Variants in FAM184B observed in about 807,000 individuals in gnomAD.
The protein encoded by FAM184B is family with sequence similarity 184 member B.
FAM184B carries 111 observed loss-of-function variants against 135.9 expected under a neutral mutation model. The observed-to-expected ratio is 0.82, with a 90% CI of 0.70 to 0.96. The LOEUF (loss-of-function observed/expected upper bound fraction) is 0.96. FAM184B is among the 40% of genes least tolerant of loss of function. The probability of loss-of-function intolerance (pLI) is 0.00; values close to 1 mark genes in which losing one functional copy is unlikely to be tolerated. For missense variants in FAM184B, 1,375 were observed against 1,323.9 expected, an observed-to-expected ratio of 1.04 and a Z score of -0.60; for synonymous variants, 552 against 524.8, an observed-to-expected ratio of 1.05 and a Z score of -0.71.
chr4:17,633,987 C>G, intron 16 of FAM184B, 99 bp from the exon 17 acceptor site: 2 of 960,298 alleles, frequency 2.1e-6, no homozygotes, highest in Non-Finnish European at 2.8e-6. Context: ...AAAATTGTAT[C>G]GGAGAAGAAG....
Position 17,630,243 on chromosome 4 carries a change from C to T in FAM184B, c.*2289G>A, listed in dbSNP as rs1026630498. The T allele has an allele frequency of 3.3e-5, 5 of 152,220 alleles. No homozygotes were observed. The highest frequency in any genetic ancestry group is 7.2e-5 in the African/African-American group (3 of 41,462). 9.4% of individuals were successfully genotyped at this position (152,220 alleles called of 1,614,324 possible). ...AAGCACAAAATAAAGAGCAGTCCTA[C>T]AGGGTTCACTGCTATGTCCTGAATG... is the stretch of plus-strand genomic sequence containing the variant. On this transcript the variant is annotated 3_prime_UTR_variant, in exon 18 of 18. Coordinates refer to ENST00000265018, the MANE Select transcript of FAM184B (RefSeq NM_015688.2).
intron 1 of FAM184B, among the ~76,000 whole-genome samples, chr4:17,753,701 G>A (rs1718358490): frequency 6.6e-6 from 1 of 152,224 alleles, no homozygotes; most frequent in African/African-American, 2.4e-5. Context: ...AGAAACCAAA[G>A]AACAAAGCAG....
rs1718118996 is a variant in FAM184B, at chr4:17,744,620, T to C, written c.142-34976A>G. On this transcript the variant is annotated intron_variant, in intron 1 of 17. Coordinates refer to ENST00000265018, the MANE Select transcript of FAM184B (RefSeq NM_015688.2). Reference sequence around the variant, plus strand: ...CTGTAATCCCAGCTATTCAGGAGGCTGAGGCAGGAGAATAGCTTGAATCCG... The same window carrying C: ...CTGTAATCCCAGCTATTCAGGAGGCCGAGGCAGGAGAATAGCTTGAATCCG... Among the ~76,000 whole-genome samples, 3 of 151,326 alleles carry C rather than the reference T, an allele frequency of 2.0e-5. No homozygotes were observed. The Admixed American group carries it at 2.0e-4, about 10-fold the overall frequency.
intron 5 of FAM184B, among the ~76,000 whole-genome samples, chr4:17,698,439 A>C (rs192738980): frequency 4.9e-4 from 75 of 152,332 alleles, no homozygotes; most frequent in African/African-American, 1.7e-3. Context: ...CAATCACCGA[A>C]AATTACCATG....
At chr4:17,686,078 A>G (rs1716579433) in intron 7 of FAM184B, among the ~76,000 whole-genome samples, 1 of 152,216 alleles carries the variant, frequency 6.6e-6, no homozygotes, top group South Asian at 2.1e-4. Flanking sequence ...TCTCCCTGCC[A>G]CAGTCACTTT....
At chr4:17,713,045 CTG>C (rs1231713683) in intron 1 of FAM184B, among the ~76,000 whole-genome samples, 1 of 152,212 alleles carries the variant, frequency 6.6e-6, no homozygotes, top group African/African-American at 2.4e-5. Context: ...TTCATTGTCT[CTG>C]TCTGATATAG....
In FAM184B at chr4:17,631,027, A is replaced by G. The variant is rs1442215259; in HGVS notation, c.*1505T>C. On this transcript the variant is annotated 3_prime_UTR_variant, in exon 18 of 18. Coordinates refer to ENST00000265018, the MANE Select transcript of FAM184B (RefSeq NM_015688.2). ...AATATTTTGCCCCCTAAAAGTTGTT[A>G]TTGAGTCTTGTCAAATCACATTGCT... The G allele has an allele frequency of 6.6e-6, 1 of 152,288 alleles. No homozygotes were observed. The highest frequency in any genetic ancestry group is 1.9e-4 in the East Asian group (1 of 5,192). 9.4% of individuals were successfully genotyped at this position (152,288 alleles called of 1,614,324 possible). A position where few individuals can be genotyped will look rare whatever the true frequency, so the allele number is the denominator to read the frequency against.
chr4:17,764,325 T>C (rs1212272349), intron 1 of FAM184B, among the ~76,000 whole-genome samples: 1 of 152,178 alleles, frequency 6.6e-6, no homozygotes, highest in Non-Finnish European at 1.5e-5. Flanking sequence ...AAGCAGTTTA[T>C]CGATCACCTC....
chr4:17,717,042 T>C (rs1717412608), intron 1 of FAM184B, among the ~76,000 whole-genome samples: 1 of 151,960 alleles, frequency 6.6e-6, no homozygotes, highest in African/African-American at 2.4e-5. Flanking sequence ...ATCTTCTGAC[T>C]TCAGGTGATA....
intron 1 of FAM184B, among the ~76,000 whole-genome samples, chr4:17,736,929 G>A (rs1300905403): frequency 6.6e-6 from 1 of 152,210 alleles, no homozygotes; most frequent in Non-Finnish European, 1.5e-5. Context: ...CAGATTGGCT[G>A]AGGTCAGGAG....
intron 5 of FAM184B, among the ~76,000 whole-genome samples, chr4:17,701,812 T>G (rs1189339610): frequency 1.3e-5 from 2 of 152,176 alleles, no homozygotes; most frequent in East Asian, 3.9e-4. Context: ...TGTGCAGAAA[T>G]CACATTTCTG....
chr4:17,662,450 G>A (rs774864332), intron 8 of FAM184B, among the ~76,000 whole-genome samples: 13 of 152,036 alleles, frequency 8.6e-5, no homozygotes, highest in African/African-American at 2.2e-4. Flanking sequence ...TGATTGTCCC[G>A]CCTCAGCCTC....
At position 17,631,216 on chromosome 4, in the gene FAM184B, A is replaced by G. The variant is rs553126545; in HGVS notation, c.*1316T>C. On this transcript the variant is annotated 3_prime_UTR_variant, in exon 18 of 18. Transcript: ENST00000265018. ...GACCAGAGGTTCAGGGGATATATAT[A>G]TATATTTTTTTAATCTGTAGAGATG... 6.6e-6 allele frequency: 1 copy of G among 152,044 alleles called. No individual in the cohort carries two copies. Among genetic ancestry groups the G allele is most frequent in the Non-Finnish European group, 1.5e-5 (1 of 68,028 alleles). The allele number at this position is 152,044 out of a possible 1,614,324, so 9.4% of individuals were successfully genotyped here.
At chr4:17,674,527 G>C in intron 7 of FAM184B, among the ~76,000 whole-genome samples, 1 of 152,140 alleles carries the variant, frequency 6.6e-6, no homozygotes, top group Non-Finnish European at 1.5e-5. Flanking sequence ...GGCTGGGGCA[G>C]CTGTGGCAAT....
chr4:17,689,996 C>T lies in FAM184B; in HGVS notation c.1489-1465G>A, dbSNP rs193070865. Among the ~76,000 whole-genome samples, 22 of 151,984 alleles carry T rather than the reference C, an allele frequency of 1.4e-4. No individual in the cohort carries two copies. In the East Asian group the frequency reaches 4.3e-3, roughly 30 times the overall value. On this transcript the variant is annotated intron_variant, in intron 6 of 17. Transcript: ENST00000265018. Reference sequence around the variant, plus strand: ...AAACCCCATCTCTACTAAAAATACACAATTAGCTGGGCCTGTTGGTGCGTG... The same window carrying T: ...AAACCCCATCTCTACTAAAAATACATAATTAGCTGGGCCTGTTGGTGCGTG...
chr4:17,713,077 C>A (rs1373883009), intron 1 of FAM184B, among the ~76,000 whole-genome samples: 1 of 152,208 alleles, frequency 6.6e-6, no homozygotes, highest in African/African-American at 2.4e-5. Context: ...TTTTGTCTGT[C>A]TTCCTCACCA....
At chr4:17,656,827 T>C (rs560334470) in intron 10 of FAM184B, among the ~76,000 whole-genome samples, 1 of 152,290 alleles carries the variant, frequency 6.6e-6, no homozygotes, top group East Asian at 1.9e-4. Flanking sequence ...TCCCTCTCTG[T>C]CTCCTGTCCT....
Position 17,647,640 on chromosome 4 carries a change from T to G in FAM184B, c.2343A>C (p.Thr781=). 6.5e-7 allele frequency: 1 copy of G among 1,549,726 alleles called. No homozygotes were observed. Among genetic ancestry groups the G allele is most frequent in the Non-Finnish European group, 8.7e-7 (1 of 1,146,540 alleles). Residue 781 remains threonine (T), a synonymous_variant, in exon 12 of 18, where the codon ACA becomes ACC. Coordinates refer to ENST00000265018, the MANE Select transcript of FAM184B (RefSeq NM_015688.2). The part of the protein sequence containing the change: ...PGDSKDHIIA[T]EERGGPGQAG... ...GTGCAAGGGCGGGGGCACTGACCTC[T>G]GTGGCGATTATGTGATCCTTGCTGT...
At chr4:17,736,770 G>C (rs991160634) in intron 1 of FAM184B, among the ~76,000 whole-genome samples, 7 of 152,142 alleles carry the variant, frequency 4.6e-5, no homozygotes, top group Non-Finnish European at 1.0e-4. Context: ...GCCACACCTG[G>C]CCACACGGAG....
Sources: gnomAD v4.1 joint callset for allele counts (sites outside exome capture counted in the v4.1 genomes callset) on GRCh38, gnomAD v4.1.1 for gene constraint, MANE v1.5 for transcripts, NCBI Gene and HGNC (gene_info 2026-07-23, HGNC 2026-07-21) for gene names.